Variants in NFU1 observed in about 807,000 individuals in gnomAD.
NFU1 encodes NFU1 iron-sulfur cluster scaffold.
NFU1 carries 30 observed loss-of-function variants against 32.2 expected under a neutral mutation model. That is an observed-to-expected ratio of 0.93 (90% CI 0.70 to 1.26). The LOEUF is 1.26. NFU1 is among the 50% of genes most tolerant of loss of function. NFU1 has a pLI of 0.00. For synonymous variants in NFU1, 112 were observed against 104.6 expected, an observed-to-expected ratio of 1.07 and a Z score of -0.43; for missense variants, 306 against 306.6, an observed-to-expected ratio of 1.00 and a Z score of 0.02.
Position 69,432,874 on chromosome 2 carries a change from G to A in NFU1, c.63-869C>T, listed in dbSNP as rs115828768. On this transcript the variant is annotated intron_variant, in intron 1 of 7. Transcript: ENST00000410022. Reference sequence around the variant, plus strand: ...AAAAGAAAGTATACTATTGGGCCAGGGGTGGTGGCTCACGCCTGTAATGCC... The same window carrying A: ...AAAAGAAAGTATACTATTGGGCCAGAGGTGGTGGCTCACGCCTGTAATGCC... 2.7e-3 allele frequency among the ~76,000 whole-genome samples: 410 copies of A among 152,104 alleles called. 5 individuals are homozygous for A. Among genetic ancestry groups the A allele is most frequent in the African/African-American group, 9.6e-3 (397 of 41,536 alleles).
intron 3 of NFU1, among the ~76,000 whole-genome samples, chr2:69,421,667 A>G (rs1002116561): frequency 9.1e-5 from 13 of 142,158 alleles, no homozygotes; most frequent in African/African-American, 3.5e-4. Context: ...TCCCGGGTTC[A>G]TGCCATTCTC....
In NFU1 at chr2:69,400,387, G is replaced by T. The variant is rs890733293; in HGVS notation, c.697C>A (p.Pro233Thr). ...GIQNMLQFYI[P>T]EVEGVEQVMD... ...ACCTGTTCTACGCCTTCTACCTCCG[G>T]AATATAAAACTGCAGCATGTTCTGA... is the stretch of plus-strand genomic sequence containing the variant. Residue 233 changes from proline (P) to threonine (T), a missense_variant, in exon 7 of 8, where the codon CCG becomes ACG. Coordinates refer to ENST00000410022, the MANE Select transcript of NFU1 (RefSeq NM_001002755.4). The T allele has an allele frequency of 1.5e-5, 24 of 1,613,980 alleles. No homozygotes were observed. Among genetic ancestry groups the T allele is most frequent in the Non-Finnish European group, 1.9e-5 (23 of 1,179,926 alleles).
chr2:69,417,566 C>A (rs1574133088), intron 4 of NFU1, among the ~76,000 whole-genome samples: 2 of 151,864 alleles, frequency 1.3e-5, no homozygotes, highest in East Asian at 1.9e-4. Flanking sequence ...ACAGCAGGAT[C>A]GCTTGAGCCT....
At chr2:69,430,197 A>T (rs1673593512) in intron 2 of NFU1, among the ~76,000 whole-genome samples, 1 of 142,972 alleles carries the variant, frequency 7.0e-6, no homozygotes, top group South Asian at 2.2e-4. Flanking sequence ...ACAGGACAGA[A>T]TGATAAAAAA....
chr2:69,399,796 T>C (rs1230664000), intron 7 of NFU1, among the ~76,000 whole-genome samples: 1 of 152,144 alleles, frequency 6.6e-6, no homozygotes, highest in African/African-American at 2.4e-5. Context: ...GGGAATGACT[T>C]AATGCACTGT....
chr2:69,413,332 T>C (rs1424226859), intron 5 of NFU1, among the ~76,000 whole-genome samples: 2 of 81,230 alleles, frequency 2.5e-5, no homozygotes, highest in Non-Finnish European at 4.5e-5. Context: ...ATACCCAACA[T>C]ACGGGTAAAA....
chr2:69,431,415 C>T (rs1051061281), intron 2 of NFU1, among the ~76,000 whole-genome samples: 1 of 152,158 alleles, frequency 6.6e-6, no homozygotes, highest in Non-Finnish European at 1.5e-5. Flanking sequence ...AAGGGATTCT[C>T]CCACCTCAGC....
intron 5 of NFU1, chr2:69,410,774 A>T (rs1010102336): frequency 1.3e-4 from 20 of 152,224 alleles, no homozygotes; most frequent in Non-Finnish European, 2.9e-4. Context: ...ATAAATGGGA[A>T]AATTTGGGGA....
At chr2:69,430,268 A>C (rs894821602) in intron 2 of NFU1, among the ~76,000 whole-genome samples, 4 of 151,028 alleles carry the variant, frequency 2.6e-5, no homozygotes, top group African/African-American at 4.9e-5. Context: ...GCTGAAGTGC[A>C]GTGGCATGAT....
chr2:69,423,927 C>A (rs866630332), intron 2 of NFU1, among the ~76,000 whole-genome samples: 1 of 151,866 alleles, frequency 6.6e-6, no homozygotes, highest in East Asian at 1.9e-4. Context: ...GTAATCCCAG[C>A]ACTTAGGGAG....
At chr2:69,425,315 C>T (rs1377443258) in intron 2 of NFU1, among the ~76,000 whole-genome samples, 1 of 151,602 alleles carries the variant, frequency 6.6e-6, no homozygotes, top group Non-Finnish European at 1.5e-5. Flanking sequence ...TGTAAGCCAT[C>T]ATGTCCAGCT....
intron 4 of NFU1, among the ~76,000 whole-genome samples, chr2:69,416,665 G>A (rs1351321992): frequency 3.3e-5 from 5 of 152,070 alleles, no homozygotes; most frequent in Non-Finnish European, 7.4e-5. Context: ...TGGGGAGGCC[G>A]AGGCGGGTGG....
rs986603563 is a variant in NFU1 at position 69,428,022 on chromosome 2, CAAAAAGA to C, written c.166+3873_166+3879del. Among the ~76,000 whole-genome samples the C allele has an allele frequency of 2.5e-4, 38 of 151,592 alleles. No homozygotes were observed. The South Asian group carries it at 3.7e-3, about 15-fold the overall frequency. On this transcript the variant is annotated intron_variant, in intron 2 of 7. Transcript: ENST00000410022. Reference sequence around the variant, plus strand: ...TGGGCAACAGAGCAAGACTCTGTCTCAAAAAGAAAAAAGAAAAAAGAAAATGAACCTT... The same window carrying C: ...TGGGCAACAGAGCAAGACTCTGTCTCAAAAAGAAAAAAGAAAATGAACCTT...
intron 2 of NFU1, chr2:69,430,013 A>G: frequency 6.1e-6 from 2 of 329,268 alleles, no homozygotes; most frequent in South Asian, 4.7e-5. Flanking sequence ...TGGGCAACAT[A>G]GTGAGACCCT....
At chr2:69,403,263 C>G (rs1672585363) in intron 6 of NFU1, among the ~76,000 whole-genome samples, 1 of 152,154 alleles carries the variant, frequency 6.6e-6, no homozygotes, top group South Asian at 2.1e-4. Flanking sequence ...TATTTTTGTT[C>G]ATCAAACTAC....
chr2:69,437,521 C>T (rs757774392), upstream of NFU1: 9 of 1,452,112 alleles, frequency 6.2e-6, no homozygotes, highest in Admixed American at 1.8e-4. Flanking sequence ...GAAGAGCCCA[C>T]CCTACCGGCT....
chr2:69,403,997 C>T (rs1012620099), intron 6 of NFU1, among the ~76,000 whole-genome samples: 2 of 151,132 alleles, frequency 1.3e-5, no homozygotes, highest in East Asian at 4.0e-4. Context: ...CGCCACCATG[C>T]CCGGCTAATT....
chr2:69,416,627 G>C (rs1024541606), intron 4 of NFU1, among the ~76,000 whole-genome samples: 1 of 152,122 alleles, frequency 6.6e-6, no homozygotes, highest in African/African-American at 2.4e-5. Context: ...GCTGGGCATG[G>C]TGGCTCATGC....
intron 6 of NFU1, among the ~76,000 whole-genome samples, chr2:69,405,245 A>G (rs757751047): frequency 6.6e-6 from 1 of 152,176 alleles, no homozygotes; most frequent in Non-Finnish European, 1.5e-5. Context: ...CTTAAAAAAA[A>G]ACCAAAAACT....
Sources: allele counts gnomAD v4.1 joint callset (sites outside exome capture counted in the v4.1 genomes callset), GRCh38; gene constraint gnomAD v4.1.1; transcripts MANE v1.5; gene names NCBI Gene and HGNC (gene_info 2026-07-23, HGNC 2026-07-21).